Variants in TRAF2 observed in about 807,000 individuals in gnomAD.
TRAF2 encodes TNF receptor-associated factor 2.
In TRAF2, 6 loss-of-function variants were observed where a neutral mutation model predicts 55.6. That is an observed-to-expected ratio of 0.11 (90% CI 0.06 to 0.21). TRAF2 has a LOEUF of 0.21. Ranked by LOEUF, TRAF2 falls within the 10% of genes least tolerant of loss-of-function variation. The pLI is 1.00. For synonymous variants in TRAF2, 329 were observed against 276.3 expected, an observed-to-expected ratio of 1.19 and a Z score of -1.89; for missense variants, 561 against 684.5, an observed-to-expected ratio of 0.82 and a Z score of 2.01.
Position 136,921,228 on chromosome 9 carries a change from G to A in TRAF2, c.1138+13G>A, listed in dbSNP as rs533779314. ...ATCTTCTCCCCAGGTGTGGTTCTAG[G>A]ACCCCCACCTCACTGCAGCTGCTGT... On this transcript the variant is annotated intron_variant, in intron 9 of 10. Transcript: ENST00000247668. 3.8e-5 allele frequency: 62 copies of A among 1,613,068 alleles called. No individual in the cohort carries two copies. The highest frequency in any genetic ancestry group is 1.3e-4 in the African/African-American group (10 of 75,010).
chr9:136,891,956 G>A (rs1849588780), intron 1 of TRAF2, among the ~76,000 whole-genome samples: 1 of 149,398 alleles, frequency 6.7e-6, no homozygotes, highest in Non-Finnish European at 1.5e-5. Flanking sequence ...CACCTCAGGT[G>A]ATCCACCCGC....
At position 136,924,927 on chromosome 9, in the gene TRAF2, TG is replaced by T. The variant is rs1327184776; in HGVS notation, c.1288-752del. The stretch of plus-strand genomic sequence containing the variant: ...CTAATTTTTGTATTTTTAGTAGAGA[TG>T]GGGTTTCTCCATGTTGGCCAGGCTG... On this transcript the variant is annotated intron_variant, in intron 10 of 10. Transcript: ENST00000247668. Among the ~76,000 whole-genome samples, 25 of 152,174 alleles carry T rather than the reference TG, an allele frequency of 1.6e-4. No homozygotes were observed. In the Middle Eastern group the frequency reaches 0.01, roughly 62 times the overall value.
chr9:136,900,391 G>T (rs775060025), intron 3 of TRAF2, 31 bp from the exon 4 acceptor site: 3 of 1,524,186 alleles, frequency 2.0e-6, no homozygotes, highest in African/African-American at 1.4e-5. Flanking sequence ...TCTGGGAGGA[G>T]GTTTAACCCG....
At chr9:136,904,600 G>A (rs1849902838) in intron 4 of TRAF2, among the ~76,000 whole-genome samples, 1 of 151,868 alleles carries the variant, frequency 6.6e-6, no homozygotes, top group East Asian at 1.9e-4. Context: ...GTAGAGACGG[G>A]GTTTCACTGT....
chr9:136,885,375 C>G (rs2131265965), upstream of TRAF2, among the ~76,000 whole-genome samples: 3 of 152,228 alleles, frequency 2.0e-5, no homozygotes, highest in South Asian at 6.2e-4. Context: ...GGTGGTGTGT[C>G]CAGTGCTAGC....
intron 2 of TRAF2, 29 bp from the exon 3 acceptor site, chr9:136,899,565 G>T: frequency 6.3e-7 from 1 of 1,597,562 alleles, no homozygotes. Context: ...TTTCACAGTG[G>T]GTTGTTTTTT....
upstream of TRAF2, chr9:136,886,104 G>C (rs1367780376): frequency 6.6e-6 from 1 of 152,380 alleles, no homozygotes; most frequent in Non-Finnish European, 1.5e-5. Context: ...TCACCTCTCG[G>C]GTGTGCGGCA....
At chr9:136,909,068 A>C (rs1019039431) in intron 5 of TRAF2, among the ~76,000 whole-genome samples, 2 of 152,102 alleles carry the variant, frequency 1.3e-5, no homozygotes, top group Admixed American at 1.3e-4. Flanking sequence ...AAATTTTTAA[A>C]AAAAGTTTGT....
At chr9:136,899,475 C>G in intron 2 of TRAF2, 119 bp from the exon 3 acceptor site, 1 of 838,972 alleles carries the variant, frequency 1.2e-6, no homozygotes. Flanking sequence ...GTTGGTTTCA[C>G]TAAGGATGAG....
Position 136,925,856 on chromosome 9 carries a change from C to T in TRAF2, c.1461C>T (p.Asp487=), listed in dbSNP as rs116933326. ...AGGCAAAGAATTCCTACGTGCGGGA[C>T]GATGCCATCTTCATCAAGGCCATTG... ...KMEAKNSYVR[D]DAIFIKAIVD... The change falls in exon 11 of 11, where the codon GAC becomes GAT. Residue 487 remains aspartate (D), a synonymous_variant. Coordinates refer to ENST00000247668, the MANE Select transcript of TRAF2 (RefSeq NM_021138.4). 139 of 1,614,238 alleles carry T rather than the reference C, an allele frequency of 8.6e-5. No individual in the cohort carries two copies. The Admixed American group carries it at 1.2e-3, about 14-fold the overall frequency.
In TRAF2 at chr9:136,916,628, G is replaced by T. The variant is rs754173056; in HGVS notation, c.678+13G>T. 146 of 1,613,244 alleles carry T rather than the reference G, an allele frequency of 9.1e-5. No individual in the cohort carries two copies. The highest frequency in any genetic ancestry group is 1.1e-4 in the Non-Finnish European group (133 of 1,179,814). On this transcript the variant is annotated intron_variant, in intron 7 of 10. Coordinates refer to ENST00000247668, the MANE Select transcript of TRAF2 (RefSeq NM_021138.4). ...CTGCCTCGAGACGGTGAGTCGGGGG[G>T]TCTGAGGTTGGGGGCCACCCCTCAT...
In TRAF2 at chr9:136,918,250, TATATA is replaced by T. The variant is rs1564419449; in HGVS notation, c.678+1636_678+1640del. On this transcript the variant is annotated intron_variant, in intron 7 of 10. Transcript: ENST00000247668. ...GTTTATATATATATATATATATATATATATATATTTATTTAATTAATTAATTTATT... is the reference window on the plus strand; with the variant it reads ...GTTTATATATATATATATATATATATTATTTATTTAATTAATTAATTTATT... 3.0e-3 allele frequency among the ~76,000 whole-genome samples: 182 copies of T among 60,510 alleles called. 1 individual carries two copies. The highest frequency in any genetic ancestry group is 0.021 in the African/African-American group (174 of 8,300). The allele number at this position is 60,510 out of a possible 152,430, so 39.7% of individuals were successfully genotyped here. A position where few individuals can be genotyped will look rare whatever the true frequency, so the allele number is the denominator to read the frequency against.
upstream of TRAF2, among the ~76,000 whole-genome samples, chr9:136,884,387 G>T (rs947766940): frequency 6.6e-6 from 1 of 151,834 alleles, no homozygotes; most frequent in African/African-American, 2.4e-5. Flanking sequence ...GTGAAACCCC[G>T]TCTCTACTAA....
At position 136,908,114 on chromosome 9, in the gene TRAF2, C is replaced by T. The variant is rs146000553; in HGVS notation, c.411C>T (p.Pro137=). The change falls in exon 5 of 11, where the codon CCC becomes CCT. Residue 137 remains proline (P), a synonymous_variant. Transcript: ENST00000247668. The stretch of plus-strand genomic sequence containing the variant: ...GCCCGCTCATGCTGACCGAATGTCC[C>T]GCGTGCAAAGGCCTGGTCCGCCTTG... ...GRCPLMLTEC[P]ACKGLVRLGE... 61 of 1,606,132 alleles carry T rather than the reference C, an allele frequency of 3.8e-5. No individual in the cohort carries two copies. Among genetic ancestry groups the T allele is most frequent in the Middle Eastern group, 1.6e-4 (1 of 6,062 alleles).
chr9:136,900,077 G>C (rs1030287345), intron 3 of TRAF2, among the ~76,000 whole-genome samples: 2 of 151,954 alleles, frequency 1.3e-5, no homozygotes, highest in Non-Finnish European at 2.9e-5. Flanking sequence ...TGAAGTGGGA[G>C]GATTGCTTGA....
intron 4 of TRAF2, 72 bp downstream of exon 4, chr9:136,900,592 T>TTA (rs1300943349): frequency 7.9e-7 from 1 of 1,258,410 alleles, no homozygotes; most frequent in East Asian, 2.4e-5. Flanking sequence ...CCCCAAGCAG[T>TTA]TATGACCTTG....
chr9:136,893,712 C>T (rs373136216), intron 1 of TRAF2, among the ~76,000 whole-genome samples: 13 of 152,222 alleles, frequency 8.5e-5, no homozygotes, highest in African/African-American at 3.1e-4. Flanking sequence ...TTAAAAAGCA[C>T]CTCCTATTTG....
At chr9:136,914,425 C>G (rs1046787306) in intron 6 of TRAF2, among the ~76,000 whole-genome samples, 1 of 152,224 alleles carries the variant, frequency 6.6e-6, no homozygotes, top group Non-Finnish European at 1.5e-5. Context: ...CACATTAGAA[C>G]TTGGGGCCCT....
In TRAF2 at chr9:136,921,158, T is replaced by A; in HGVS notation, c.1081T>A (p.Phe361Ile). The change falls in exon 9 of 11, where the codon TTC (phenylalanine) becomes ATC (isoleucine). Residue 361 changes from phenylalanine (F) to isoleucine (I), a missense_variant. Phe to Ile is a conservative substitution (Grantham distance 21). Coordinates refer to ENST00000247668, the MANE Select transcript of TRAF2 (RefSeq NM_021138.4). ...GGTCTTCATCTGGAAGATCTCAGAC[T>A]TCGCCAGGAAGCGCCAGGAAGCTGT... Reference protein sequence around the residue: ...DGVFIWKISDFARKRQEAVAG... With the variant: ...DGVFIWKISDIARKRQEAVAG... The A allele has an allele frequency of 6.2e-7, 1 of 1,614,054 alleles. No homozygotes were observed. Among genetic ancestry groups the A allele is most frequent in the Non-Finnish European group, 8.5e-7 (1 of 1,180,030 alleles).
Sources: gnomAD v4.1 joint callset for allele counts (sites outside exome capture counted in the v4.1 genomes callset) on GRCh38, gnomAD v4.1.1 for gene constraint, MANE v1.5 for transcripts, NCBI Gene and HGNC (gene_info 2026-07-23, HGNC 2026-07-21) for gene names.